CAMK1D: variants seen among roughly 807,000 people sequenced by gnomAD.
CAMK1D encodes calcium/calmodulin dependent protein kinase ID, also known as calcium/calmodulin-dependent protein kinase type 1D.
A neutral mutation model predicts 47.7 loss-of-function variants in CAMK1D; 9 were observed. That is an observed-to-expected ratio of 0.19 (90% CI 0.11 to 0.33). The LOEUF (loss-of-function observed/expected upper bound fraction) is 0.33, where lower values mean the gene tolerates loss of function less well. Ranked by LOEUF, CAMK1D falls within the 10% of genes least tolerant of loss-of-function variation. The pLI is 1.00. For synonymous variants in CAMK1D, 184 were observed against 184.9 expected (o/e 0.99, Z 0.04); for missense variants, 291 against 488.7 (o/e 0.60, Z 3.81).
intron 4 of CAMK1D, among the ~76,000 whole-genome samples, chr10:12,762,473 C>G (rs987975273): frequency 6.6e-6 from 1 of 152,116 alleles, no homozygotes; most frequent in Non-Finnish European, 1.5e-5. Flanking sequence ...TTGTCATGTT[C>G]CATTGACCCA....
At chr10:12,618,632 C>A (rs1588696286) in intron 2 of CAMK1D, among the ~76,000 whole-genome samples, 1 of 151,938 alleles carries the variant, frequency 6.6e-6, no homozygotes, top group African/African-American at 2.4e-5. Context: ...TTAAGCATTG[C>A]CAGAGTATTT....
intron 1 of CAMK1D, among the ~76,000 whole-genome samples, chr10:12,387,445 T>TTATATATATAATATA (rs1838560293): frequency 1.5e-5 from 1 of 66,660 alleles, no homozygotes; most frequent in Non-Finnish European, 3.3e-5. Flanking sequence ...TATATATATT[T>TTATATATATAATATA]TATATATATA....
At chr10:12,654,451 A>C (rs1840063925) in intron 2 of CAMK1D, among the ~76,000 whole-genome samples, 1 of 152,218 alleles carries the variant, frequency 6.6e-6, no homozygotes, top group Non-Finnish European at 1.5e-5. Context: ...ATGCCCACAG[A>C]AATATATATT....
At chr10:12,548,310 A>G (rs1027448955) in intron 1 of CAMK1D, among the ~76,000 whole-genome samples, 2 of 152,158 alleles carry the variant, frequency 1.3e-5, no homozygotes, top group Non-Finnish European at 2.9e-5. Context: ...TTAGGGAGGT[A>G]TTGAGTGAAA....
chr10:12,502,151 G>C (rs1259021756), intron 1 of CAMK1D, among the ~76,000 whole-genome samples: 1 of 152,182 alleles, frequency 6.6e-6, no homozygotes, highest in East Asian at 1.9e-4. Flanking sequence ...GCTCTGTGCC[G>C]GGAGCAGCAG....
At chr10:12,444,065 G>A (rs879851119) in intron 1 of CAMK1D, among the ~76,000 whole-genome samples, 17 of 152,120 alleles carry the variant, frequency 1.1e-4, no homozygotes, top group African/African-American at 2.4e-4. Context: ...TGGCGCTGGC[G>A]GGAGTGTAGC....
intron 5 of CAMK1D, among the ~76,000 whole-genome samples, chr10:12,772,255 C>T (rs1188145923): frequency 1.3e-5 from 2 of 152,034 alleles, no homozygotes; most frequent in African/African-American, 2.4e-5. Flanking sequence ...ATACATGAGA[C>T]GAGACAAGCT....
chr10:12,594,288 G>A (rs764872475), intron 2 of CAMK1D, among the ~76,000 whole-genome samples: 6 of 152,094 alleles, frequency 3.9e-5, no homozygotes, highest in African/African-American at 7.2e-5. Flanking sequence ...AAAATAACAG[G>A]CACCACCTAG....
intron 1 of CAMK1D, among the ~76,000 whole-genome samples, chr10:12,373,424 G>A (rs35216106): frequency 0.33 from 49,802 of 151,926 alleles, 8,292 homozygotes; most frequent in Middle Eastern, 0.39. Flanking sequence ...CTGAGGTCGG[G>A]AGTTTGAGAC....
chr10:12,732,097 T>C (rs1834915097), intron 3 of CAMK1D, among the ~76,000 whole-genome samples: 1 of 152,002 alleles, frequency 6.6e-6, no homozygotes, highest in Non-Finnish European at 1.5e-5. Flanking sequence ...AAAAAGTAAC[T>C]GGGTGTGGTG....
At chr10:12,763,459 G>C (rs966863030) in intron 4 of CAMK1D, among the ~76,000 whole-genome samples, 1 of 152,136 alleles carries the variant, frequency 6.6e-6, no homozygotes, top group African/African-American at 2.4e-5. Context: ...TGCTCTTTTT[G>C]CAAAATGAAG....
chr10:12,453,274 C>T (rs1302590623), intron 1 of CAMK1D, among the ~76,000 whole-genome samples: 5 of 151,712 alleles, frequency 3.3e-5, no homozygotes, highest in South Asian at 2.1e-4. Flanking sequence ...ACTGCAAGCT[C>T]CGCCTCCTGG....
At chr10:12,805,773 G>T (rs1838701680) in intron 6 of CAMK1D, among the ~76,000 whole-genome samples, 1 of 152,238 alleles carries the variant, frequency 6.6e-6, no homozygotes. Flanking sequence ...AGGTTGGGGT[G>T]GCAGTCCTTG....
chr10:12,491,575 T>C (rs1834384244), intron 1 of CAMK1D, among the ~76,000 whole-genome samples: 1 of 152,146 alleles, frequency 6.6e-6, no homozygotes, highest in African/African-American at 2.4e-5. Flanking sequence ...AGGTGTCCTG[T>C]TGAGCTGCAG....
chr10:12,407,006 C>T (rs1839456645), intron 1 of CAMK1D, among the ~76,000 whole-genome samples: 1 of 152,202 alleles, frequency 6.6e-6, no homozygotes, highest in Admixed American at 6.5e-5. Flanking sequence ...GCTGCACTTC[C>T]AAGAGTCCTG....
At chr10:12,535,040 C>T (rs886332486) in intron 1 of CAMK1D, among the ~76,000 whole-genome samples, 2 of 152,220 alleles carry the variant, frequency 1.3e-5, no homozygotes, top group African/African-American at 4.8e-5. Context: ...CCGCTGGCCA[C>T]ATTGCTGCCC....
intron 3 of CAMK1D, among the ~76,000 whole-genome samples, chr10:12,696,387 A>G (rs949448460): frequency 3.5e-4 from 53 of 152,158 alleles, no homozygotes; most frequent in African/African-American, 1.2e-3. Context: ...AAACACAACA[A>G]TTATCCGGGC....
chr10:12,635,945 T>C (rs760788919), intron 2 of CAMK1D, among the ~76,000 whole-genome samples: 2 of 152,242 alleles, frequency 1.3e-5, no homozygotes, highest in Non-Finnish European at 2.9e-5. Flanking sequence ...CTATTTAAAG[T>C]AGGAGAAATC....
At chr10:12,434,147 T>G (rs1288379917) in intron 1 of CAMK1D, among the ~76,000 whole-genome samples, 2 of 152,184 alleles carry the variant, frequency 1.3e-5, no homozygotes, top group African/African-American at 4.8e-5. Context: ...AGAGCTCTCT[T>G]CCTTTTCTAT....
Sources: gnomAD v4.1 joint callset for allele counts (sites outside exome capture counted in the v4.1 genomes callset) on GRCh38, gnomAD v4.1.1 for gene constraint, MANE v1.5 for transcripts, NCBI Gene and HGNC (gene_info 2026-07-23, HGNC 2026-07-21) for gene names.